BTBD9: variants seen among roughly 807,000 people sequenced by gnomAD.
The protein encoded by BTBD9 is BTB/POZ domain-containing protein 9.
A neutral mutation model predicts 64.3 loss-of-function variants in BTBD9; 49 were observed. The ratio of observed to expected loss-of-function variants is 0.76; its 90% confidence interval spans 0.61 to 0.97. BTBD9 has a LOEUF of 0.97. Ranked by LOEUF, BTBD9 falls within the 50% of genes least tolerant of loss-of-function variation. The pLI, the probability that BTBD9 is intolerant of heterozygous loss-of-function variation, is 0.00. For missense variants in BTBD9, 598 were observed against 762.1 expected (o/e 0.78, Z 2.53); for synonymous variants, 260 against 274.7 (o/e 0.95, Z 0.53).
At chr6:38,247,811 T>G (rs1348090721) in intron 9 of BTBD9, among the ~76,000 whole-genome samples, 1 of 152,214 alleles carries the variant, frequency 6.6e-6, no homozygotes, top group Non-Finnish European at 1.5e-5. Flanking sequence ...TATTGCTATG[T>G]ATAGCACTTA....
intron 6 of BTBD9, among the ~76,000 whole-genome samples, chr6:38,351,412 A>G (rs1195083160): frequency 1.3e-5 from 2 of 152,142 alleles, no homozygotes; most frequent in Non-Finnish European, 2.9e-5. Context: ...CTCATACTAT[A>G]TAGAATCAAT....
intron 9 of BTBD9, among the ~76,000 whole-genome samples, chr6:38,231,675 A>G (rs1054843661): frequency 2.0e-5 from 3 of 152,228 alleles, no homozygotes; most frequent in African/African-American, 7.2e-5. Context: ...TGGCCCATCA[A>G]GAGCCTGGCA....
intron 6 of BTBD9, among the ~76,000 whole-genome samples, chr6:38,435,405 C>CA (rs1257444169): frequency 2.0e-5 from 3 of 148,532 alleles, no homozygotes; most frequent in African/African-American, 7.5e-5. Flanking sequence ...GAGGCTAAGG[C>CA]AGAGAATCGC....
intron 7 of BTBD9, among the ~76,000 whole-genome samples, chr6:38,296,555 T>TA (rs948160220): frequency 1.3e-5 from 2 of 152,258 alleles, no homozygotes; most frequent in African/African-American, 4.8e-5. Flanking sequence ...TTTTCTTTTC[T>TA]AAAAAAATGT....
At chr6:38,451,164 C>T in intron 6 of BTBD9, among the ~76,000 whole-genome samples, 1 of 152,176 alleles carries the variant, frequency 6.6e-6, no homozygotes, top group South Asian at 2.1e-4. Flanking sequence ...TTACTGCACA[C>T]TAGAGTTAAT....
chr6:38,276,133 A>T (rs186196765), intron 8 of BTBD9, among the ~76,000 whole-genome samples: 1 of 152,350 alleles, frequency 6.6e-6, no homozygotes, highest in Non-Finnish European at 1.5e-5. Flanking sequence ...GATTAAGAAA[A>T]TGTGGCACAT....
chr6:38,279,912 T>A (rs2093559795), intron 8 of BTBD9, among the ~76,000 whole-genome samples: 1 of 152,226 alleles, frequency 6.6e-6, no homozygotes. Context: ...TATATCCAGC[T>A]ATATCTTATG....
chr6:38,185,055 G>T (rs1761759201), intron 10 of BTBD9, among the ~76,000 whole-genome samples: 2 of 152,152 alleles, frequency 1.3e-5, no homozygotes, highest in African/African-American at 4.8e-5. Context: ...TGAGCCTGCA[G>T]AGTGCTCTGC....
At chr6:38,316,163 T>C (rs1171084535) in intron 7 of BTBD9, among the ~76,000 whole-genome samples, 1 of 152,238 alleles carries the variant, frequency 6.6e-6, no homozygotes, top group Non-Finnish European at 1.5e-5. Context: ...ATGGAATGTC[T>C]TTTTGTATCA....
intron 9 of BTBD9, among the ~76,000 whole-genome samples, chr6:38,248,280 G>A (rs1764278005): frequency 6.6e-6 from 1 of 152,186 alleles, no homozygotes; most frequent in African/African-American, 2.4e-5. Context: ...GAAAGTTTGT[G>A]ATAAAATTAG....
chr6:38,626,816 A>G (rs776277186), intron 1 of BTBD9, among the ~76,000 whole-genome samples: 8 of 152,208 alleles, frequency 5.3e-5, no homozygotes, highest in Non-Finnish European at 1.0e-4. Context: ...GAGGAATTAA[A>G]TGAAGGCCCT....
At chr6:38,324,469 C>G (rs953917312) in intron 7 of BTBD9, among the ~76,000 whole-genome samples, 1 of 152,024 alleles carries the variant, frequency 6.6e-6, no homozygotes, top group African/African-American at 2.4e-5. Context: ...AAAGAGTGTT[C>G]TATTAGATTA....
At chr6:38,479,156 C>G (rs990461426) in intron 6 of BTBD9, among the ~76,000 whole-genome samples, 2 of 152,164 alleles carry the variant, frequency 1.3e-5, no homozygotes, top group Admixed American at 6.5e-5. Flanking sequence ...TTTGCTCTGG[C>G]TATGAAAGAG....
intron 6 of BTBD9, among the ~76,000 whole-genome samples, chr6:38,568,971 G>A (rs1775638967): frequency 6.6e-6 from 1 of 152,202 alleles, no homozygotes; most frequent in Non-Finnish European, 1.5e-5. Context: ...TGTCATTTAT[G>A]TATGTTCTCT....
intron 6 of BTBD9, among the ~76,000 whole-genome samples, chr6:38,549,356 T>C (rs1216953007): frequency 1.3e-5 from 2 of 152,214 alleles, no homozygotes; most frequent in African/African-American, 4.8e-5. Flanking sequence ...ATATTAGCTA[T>C]CTTTTGTTCC....
intron 6 of BTBD9, among the ~76,000 whole-genome samples, chr6:38,370,190 T>C (rs1173634835): frequency 6.6e-6 from 1 of 152,236 alleles, no homozygotes; most frequent in East Asian, 1.9e-4. Context: ...ATATCCAGTA[T>C]GGAATCCCGA....
chr6:38,483,446 G>C (rs150638163), intron 6 of BTBD9, among the ~76,000 whole-genome samples: 6 of 151,826 alleles, frequency 4.0e-5, no homozygotes, highest in Non-Finnish European at 5.9e-5. Flanking sequence ...CCCACCTGCT[G>C]TCTGGTCTTC....
At chr6:38,618,435 T>G (rs1699006) in intron 1 of BTBD9, among the ~76,000 whole-genome samples, 57,152 of 152,114 alleles carry the variant, frequency 0.38, 10,960 homozygotes, top group African/African-American at 0.44. Context: ...GCTTGCAATT[T>G]ACATTCCACA....
At chr6:38,594,570 A>G (rs1322749491) in intron 2 of BTBD9, among the ~76,000 whole-genome samples, 1 of 152,242 alleles carries the variant, frequency 6.6e-6, no homozygotes, top group Non-Finnish European at 1.5e-5. Context: ...AAAGCTCAAG[A>G]TATGTGACAG....
Sources: allele counts gnomAD v4.1 joint callset (sites outside exome capture counted in the v4.1 genomes callset), GRCh38; gene constraint gnomAD v4.1.1; transcripts MANE v1.5; gene names NCBI Gene and HGNC (gene_info 2026-07-23, HGNC 2026-07-21).